NAV2: variants seen among roughly 807,000 people sequenced by gnomAD.
The protein encoded by NAV2 is helicase, APC down-regulated 1.
A neutral mutation model predicts 223.2 loss-of-function variants in NAV2; 54 were observed. That is an observed-to-expected ratio of 0.24 (90% confidence interval 0.19 to 0.30). The LOEUF (loss-of-function observed/expected upper bound fraction) is 0.30, where lower values mean the gene tolerates loss of function less well. NAV2 is among the 10% of genes least tolerant of loss of function. NAV2 has a pLI of 1.00. For missense variants in NAV2, 2,806 were observed against 3,147.5 expected (o/e 0.89, Z 2.60); for synonymous variants, 1,279 against 1,239.3 (o/e 1.03, Z -0.67).
At chr11:19,427,895 A>G (rs1275094834) in intron 1 of NAV2, among the ~76,000 whole-genome samples, 1 of 151,912 alleles carries the variant, frequency 6.6e-6, no homozygotes. Context: ...AACTTTTTAT[A>G]TATTGGAGAG....
chr11:19,680,516 C>T (rs1004510019), intron 1 of NAV2, among the ~76,000 whole-genome samples: 2 of 152,176 alleles, frequency 1.3e-5, no homozygotes, highest in Admixed American at 6.5e-5. Context: ...CACCCCTCAC[C>T]CGCACACACA....
intron 1 of NAV2, among the ~76,000 whole-genome samples, chr11:19,450,280 A>G (rs564409532): frequency 1.3e-5 from 2 of 152,272 alleles, no homozygotes; most frequent in East Asian, 3.9e-4. Context: ...GTGACAGGTC[A>G]CTTAAAATCA....
chr11:19,901,809 C>T (rs899544800), intron 6 of NAV2, among the ~76,000 whole-genome samples: 1 of 152,174 alleles, frequency 6.6e-6, no homozygotes, highest in African/African-American at 2.4e-5. Flanking sequence ...GCCTCACTAA[C>T]CTTTAGCAAA....
At chr11:19,387,616 C>A (rs1305275592) in intron 1 of NAV2, among the ~76,000 whole-genome samples, 3 of 152,040 alleles carry the variant, frequency 2.0e-5, no homozygotes, top group African/African-American at 7.2e-5. Flanking sequence ...GTGAGGTTGC[C>A]AGGTCGCAGG....
At chr11:19,889,439 A>G (rs977608796) in intron 5 of NAV2, among the ~76,000 whole-genome samples, 15 of 152,314 alleles carry the variant, frequency 9.8e-5, no homozygotes, top group African/African-American at 3.4e-4. Context: ...GATCAAGTTC[A>G]GGGAGCTGTC....
At chr11:20,041,789 C>T (rs1192532602) in intron 12 of NAV2, among the ~76,000 whole-genome samples, 1 of 152,320 alleles carries the variant, frequency 6.6e-6, no homozygotes, top group Admixed American at 6.5e-5. Flanking sequence ...TTCCCTCTCC[C>T]TGGTATGCTC....
chr11:19,777,385 CGCGCGG>C (rs2056334804), intron 1 of NAV2: 2 of 434,662 alleles, frequency 4.6e-6, no homozygotes, highest in African/African-American at 4.2e-5. Flanking sequence ...ACCTGCCGGG[CGCGCGG>C]GCAGGTGCTT....
chr11:19,429,705 T>C (rs1392648325), intron 1 of NAV2, among the ~76,000 whole-genome samples: 1 of 152,222 alleles, frequency 6.6e-6, no homozygotes, highest in African/African-American at 2.4e-5. Context: ...ATTTTCATTT[T>C]AGTTCTCAAA....
chr11:20,073,313 G>C (rs1225389739), intron 22 of NAV2, among the ~76,000 whole-genome samples: 1 of 152,128 alleles, frequency 6.6e-6, no homozygotes, highest in Non-Finnish European at 1.5e-5. Context: ...TAAGCTTTTT[G>C]ATGTGCTGCT....
At chr11:19,659,014 C>CATT (rs1480013006) in intron 1 of NAV2, among the ~76,000 whole-genome samples, 2 of 152,136 alleles carry the variant, frequency 1.3e-5, no homozygotes, top group Non-Finnish European at 2.9e-5. Flanking sequence ...GTCTTTGTAC[C>CATT]ATTAGGCCCT....
chr11:19,767,037 G>A (rs1264938482), intron 1 of NAV2, among the ~76,000 whole-genome samples: 1 of 152,160 alleles, frequency 6.6e-6, no homozygotes, highest in African/African-American at 2.4e-5. Context: ...GGATGGGATG[G>A]ACTGGGTAGT....
At chr11:19,918,562 G>A (rs774474164) in intron 6 of NAV2, among the ~76,000 whole-genome samples, 2 of 152,168 alleles carry the variant, frequency 1.3e-5, no homozygotes, top group African/African-American at 2.4e-5. Context: ...TGAGTTATAT[G>A]TCCCATTTTT....
chr11:20,065,218 T>G (rs1978947), intron 20 of NAV2, among the ~76,000 whole-genome samples: 47,710 of 152,100 alleles, frequency 0.31, 8,387 homozygotes, highest in South Asian at 0.54. Flanking sequence ...TTGTAAATGT[T>G]AAGGTGAATA....
At chr11:19,692,598 T>C (rs184942455) in intron 1 of NAV2, among the ~76,000 whole-genome samples, 1 of 152,370 alleles carries the variant, frequency 6.6e-6, no homozygotes, top group Non-Finnish European at 1.5e-5. Context: ...CCTACCTTAG[T>C]AAGTAGAATC....
At chr11:19,349,336 C>T (rs1564866950), upstream of NAV2, among the ~76,000 whole-genome samples, 1 of 152,216 alleles carries the variant, frequency 6.6e-6, no homozygotes, top group Non-Finnish European at 1.5e-5. Flanking sequence ...TCCTCCTCCT[C>T]CTCCTCCCCC....
At chr11:19,597,827 C>A (rs2046244457) in intron 1 of NAV2, among the ~76,000 whole-genome samples, 2 of 152,206 alleles carry the variant, frequency 1.3e-5, no homozygotes, top group Non-Finnish European at 2.9e-5. Context: ...GCGAGTTTCA[C>A]TGGGGTGCGT....
At chr11:19,662,045 G>T (rs551759756) in intron 1 of NAV2, among the ~76,000 whole-genome samples, 3 of 152,194 alleles carry the variant, frequency 2.0e-5, no homozygotes, top group Non-Finnish European at 4.4e-5. Flanking sequence ...TGCCATAGTT[G>T]TGGGAATGGG....
chr11:19,763,844 G>T (rs1484038118), intron 1 of NAV2, among the ~76,000 whole-genome samples: 1 of 150,756 alleles, frequency 6.6e-6, no homozygotes, highest in Non-Finnish European at 1.5e-5. Flanking sequence ...CTTTGGTAAT[G>T]TAACAAAACC....
intron 12 of NAV2, among the ~76,000 whole-genome samples, chr11:20,039,705 C>T (rs868608131): frequency 6.6e-6 from 1 of 152,224 alleles, no homozygotes; most frequent in Admixed American, 6.5e-5. Flanking sequence ...GTGGAAGGCA[C>T]CATCCCAGGT....
Sources: allele counts gnomAD v4.1 joint callset (sites outside exome capture counted in the v4.1 genomes callset), GRCh38; gene constraint gnomAD v4.1.1; transcripts MANE v1.5; gene names NCBI Gene and HGNC (gene_info 2026-07-23, HGNC 2026-07-21).